The following CREB5 variants were observed in gnomAD, a reference collection of about 807,000 sequenced individuals.
CREB5 encodes the protein cyclic AMP-responsive element-binding protein 5.
Under a neutral mutation model 57.1 loss-of-function variants are expected in CREB5, and 19 were observed. That is an observed-to-expected ratio of 0.33 (90% CI 0.23 to 0.49). The LOEUF (loss-of-function observed/expected upper bound fraction) is 0.49, where lower values mean the gene tolerates loss of function less well. Ranked by LOEUF, CREB5 falls within the 20% of genes least tolerant of loss-of-function variation. The probability of loss-of-function intolerance (pLI) is 0.99; values close to 1 mark genes in which losing one functional copy is unlikely to be tolerated. For missense variants in CREB5, 579 were observed against 671.6 expected (o/e 0.86, Z 1.52); for synonymous variants, 238 against 238.3 (o/e 1.00, Z 0.01).
intron 1 of CREB5, among the ~76,000 whole-genome samples, chr7:28,377,624 A>T (rs976540331): frequency 6.6e-6 from 1 of 152,008 alleles, no homozygotes; most frequent in African/African-American, 2.4e-5. Context: ...TATTTATTTA[A>T]CATAATTTCC....
chr7:28,638,795 C>A (rs1247069371), intron 5 of CREB5, among the ~76,000 whole-genome samples: 11 of 152,114 alleles, frequency 7.2e-5, no homozygotes, highest in African/African-American at 2.7e-4. Flanking sequence ...TGCAAATGAT[C>A]TTTTTCACAT....
At chr7:28,494,775 G>GTT (rs77196704) in intron 2 of CREB5, 131 bp from the exon 3 acceptor site, 383 of 487,270 alleles carry the variant, frequency 7.9e-4, no homozygotes, top group Middle Eastern at 3.0e-3. Context: ...TTTTCGAAAT[G>GTT]TTTTTTTTTT....
At position 28,658,953 on chromosome 7, in the gene CREB5, G is replaced by GTATATATA. The variant is rs72106956; in HGVS notation, c.465-59780_465-59773dup. Among the ~76,000 whole-genome samples the GTATATATA allele has an allele frequency of 2.9e-3, 289 of 99,504 alleles. 19 individuals are homozygous for GTATATATA. Among genetic ancestry groups the GTATATATA allele is most frequent in the Middle Eastern group, 0.011 (2 of 180 alleles). The allele number at this position is 99,504 out of a possible 152,430, so 65.3% of individuals were successfully genotyped here. On this transcript the variant is annotated intron_variant, in intron 5 of 10. Transcript: ENST00000357727. ...CACTAAATATTATATGTGTGTGTGT[G>GTATATATA]TATATATATATATATATATATATAT...
At chr7:28,575,880 C>T (rs908536900) in intron 5 of CREB5, among the ~76,000 whole-genome samples, 6 of 152,054 alleles carry the variant, frequency 3.9e-5, no homozygotes, top group Admixed American at 6.5e-5. Context: ...ACAAGGGGGC[C>T]GGCAGCCTTC....
chr7:28,785,719 G>A lies in CREB5; in HGVS notation c.703-18480G>A, dbSNP rs796228464. ...TGTGCTAGGCCCCTCTGCAGATCCA[G>A]GGCTTCTTAATGGGGTGGGAGTGGG... On this transcript the variant is annotated intron_variant, in intron 7 of 10. Coordinates refer to ENST00000357727, the MANE Select transcript of CREB5 (RefSeq NM_182898.4). Among the ~76,000 whole-genome samples, 29 of 152,262 alleles carry A rather than the reference G, an allele frequency of 1.9e-4. 2 individuals carry two copies. The highest frequency in any genetic ancestry group is 6.3e-4 in the African/African-American group (26 of 41,552).
At chr7:28,628,601 T>G (rs41297) in intron 5 of CREB5, among the ~76,000 whole-genome samples, 114,592 of 151,966 alleles carry the variant, frequency 0.75, 43,416 homozygotes, top group African/African-American at 0.82. Flanking sequence ...AACATTCTAC[T>G]GTGTGAGGGT....
At chr7:28,478,781 G>A (rs1056842863) in intron 1 of CREB5, among the ~76,000 whole-genome samples, 2 of 152,122 alleles carry the variant, frequency 1.3e-5, no homozygotes, top group African/African-American at 4.8e-5. Context: ...GGAGCTGTAG[G>A]TGGCCAAACC....
chr7:28,431,876 G>GGGGC (rs1788726112), intron 1 of CREB5, among the ~76,000 whole-genome samples: 1 of 152,132 alleles, frequency 6.6e-6, no homozygotes, highest in African/African-American at 2.4e-5. Flanking sequence ...CTCTGGGTTG[G>GGGGC]GGGCCTGGGT....
At chr7:28,345,840 T>C (rs1490034744) in intron 1 of CREB5, among the ~76,000 whole-genome samples, 1 of 151,970 alleles carries the variant, frequency 6.6e-6, no homozygotes, top group Non-Finnish European at 1.5e-5. Context: ...AAGTGACACA[T>C]TGGAGCTCAG....
chr7:28,359,915 C>T (rs1786434170), intron 1 of CREB5, among the ~76,000 whole-genome samples: 1 of 152,070 alleles, frequency 6.6e-6, no homozygotes, highest in African/African-American at 2.4e-5. Context: ...TAGGCAAAGG[C>T]CCTGAAGGGA....
At chr7:28,381,327 T>C (rs1786962395) in intron 1 of CREB5, among the ~76,000 whole-genome samples, 1 of 152,222 alleles carries the variant, frequency 6.6e-6, no homozygotes, top group Admixed American at 6.5e-5. Flanking sequence ...TTTGCTTTCG[T>C]ATTCACAGTC....
chr7:28,632,155 T>C (rs545376813), intron 5 of CREB5, among the ~76,000 whole-genome samples: 2 of 152,164 alleles, frequency 1.3e-5, no homozygotes, highest in East Asian at 3.8e-4. Context: ...GTTTGTTCCA[T>C]TTCCACAAGA....
intron 7 of CREB5, among the ~76,000 whole-genome samples, chr7:28,783,038 C>T (rs1169230546): frequency 6.6e-6 from 1 of 152,152 alleles, no homozygotes; most frequent in Admixed American, 6.5e-5. Context: ...AAAACCTTTG[C>T]TTCCACATAA....
intron 1 of CREB5, among the ~76,000 whole-genome samples, chr7:28,455,327 A>G (rs764177458): frequency 9.2e-5 from 14 of 152,330 alleles, no homozygotes; most frequent in Non-Finnish European, 1.0e-4. Context: ...AGAGCAGTTC[A>G]TGATGATTTG....
intron 4 of CREB5, among the ~76,000 whole-genome samples, chr7:28,564,482 G>C (rs1562800534): frequency 6.6e-6 from 1 of 152,100 alleles, no homozygotes; most frequent in Non-Finnish European, 1.5e-5. Flanking sequence ...TGTATTCCAA[G>C]CCCATGCATG....
At chr7:28,567,242 C>T (rs1795520343) in intron 4 of CREB5, among the ~76,000 whole-genome samples, 1 of 152,166 alleles carries the variant, frequency 6.6e-6, no homozygotes, top group Admixed American at 6.5e-5. Context: ...CTTCTTAATC[C>T]TGATCCTCTC....
intron 5 of CREB5, among the ~76,000 whole-genome samples, chr7:28,634,096 G>A (rs1252793974): frequency 6.6e-6 from 1 of 152,214 alleles, no homozygotes; most frequent in East Asian, 1.9e-4. Context: ...GAAGTTGACA[G>A]TGTTTCCTAA....
chr7:28,414,485 T>TG (rs970855135), intron 1 of CREB5, among the ~76,000 whole-genome samples: 19 of 152,220 alleles, frequency 1.2e-4, no homozygotes, highest in African/African-American at 3.6e-4. Context: ...GGTAATAAAC[T>TG]GGGGGGCAAT....
chr7:28,737,046 T>C (rs1191023876), intron 7 of CREB5, among the ~76,000 whole-genome samples: 1 of 152,062 alleles, frequency 6.6e-6, no homozygotes, highest in Non-Finnish European at 1.5e-5. Flanking sequence ...CTCAAATCTA[T>C]ACCCCAGTGG....
Sources: gnomAD v4.1 joint callset for allele counts (sites outside exome capture counted in the v4.1 genomes callset) on GRCh38, gnomAD v4.1.1 for gene constraint, MANE v1.5 for transcripts, NCBI Gene and HGNC (gene_info 2026-07-23, HGNC 2026-07-21) for gene names.